Variants in BIVM observed in about 807,000 individuals in gnomAD.
BIVM encodes basic, immunoglobulin-like variable motif containing, also known as basic immunoglobulin-like variable motif-containing protein.
A neutral mutation model predicts 61.4 loss-of-function variants in BIVM; 31 were observed. The ratio of observed to expected loss-of-function variants is 0.51; its 90% CI spans 0.38 to 0.68. The LOEUF is 0.68. Among genes scored for constraint, BIVM ranks in the 30% least tolerant of loss-of-function variants. The probability of loss-of-function intolerance (pLI) is 0.00; values close to 1 mark genes in which losing one functional copy is unlikely to be tolerated. For synonymous variants in BIVM, 189 were observed against 210.7 expected, an observed-to-expected ratio of 0.90 and a Z score of 0.89; for missense variants, 526 against 596.0, an observed-to-expected ratio of 0.88 and a Z score of 1.22.
chr13:102,840,112 T>C lies in BIVM; in HGVS notation c.*247T>C, dbSNP rs1222214354. On this transcript the variant is annotated 3_prime_UTR_variant, in exon 11 of 11. Transcript: ENST00000257336. ...AGAGTATATAATCTGGACAGAAAATTTCACAAAATTCAATAAAATTACAAC... is the reference window on the plus strand; with the variant it reads ...AGAGTATATAATCTGGACAGAAAATCTCACAAAATTCAATAAAATTACAAC... The C allele has an allele frequency of 2.8e-6, 1 of 352,298 alleles. No homozygotes were observed. Among genetic ancestry groups the C allele is most frequent in the Non-Finnish European group, 5.1e-6 (1 of 197,660 alleles). 21.8% of individuals were successfully genotyped at this position (352,298 alleles called of 1,614,324 possible).
At chr13:102,799,671 G>A (rs888911947) in intron 1 of BIVM, 150 bp downstream of exon 1, 2 of 152,262 alleles carry the variant, frequency 1.3e-5, no homozygotes, top group East Asian at 1.9e-4. Flanking sequence ...TACTTAATTC[G>A]ATACCGGCCT....
At chr13:102,808,154 G>A (rs1349077195) in intron 3 of BIVM, among the ~76,000 whole-genome samples, 2 of 151,792 alleles carry the variant, frequency 1.3e-5, no homozygotes, top group Admixed American at 1.3e-4. Context: ...AGCTTTTTTT[G>A]TTGTTAAAAT....
chr13:102,823,654 C>T (rs762545350), intron 7 of BIVM, among the ~76,000 whole-genome samples: 12 of 152,216 alleles, frequency 7.9e-5, no homozygotes, highest in South Asian at 2.1e-4. Context: ...GATCAGGCAA[C>T]GAAAAACTAA....
intron 7 of BIVM, 112 bp downstream of exon 7, chr13:102,822,271 C>T (rs74540306): frequency 4.0e-6 from 4 of 1,002,522 alleles, no homozygotes; most frequent in Non-Finnish European, 5.9e-6. Flanking sequence ...CTTCCTGGGA[C>T]ATTATGTAAA....
rs1566458788 is a variant in BIVM, at chr13:102,839,610, A to G, written c.1257A>G (p.Arg419=). The change falls in exon 11 of 11, where the codon AGA becomes AGG. Residue 419 remains arginine, a synonymous_variant. Coordinates refer to ENST00000257336, the MANE Select transcript of BIVM (RefSeq NM_017693.4). ...TGCATTGCATCATAGCATTCCAGAG[A>G]CTTAACTGGCAAAGATTTGGCCTTT... ...GNLHCIIAFQ[R]LNWQRFGLWN... 3 of 1,614,026 alleles carry G rather than the reference A, an allele frequency of 1.9e-6. No individual in the cohort carries two copies. In the African/African-American group the frequency reaches 4.0e-5, roughly 22 times the overall value.
At chr13:102,811,191 C>A (rs1002750401) in intron 3 of BIVM, among the ~76,000 whole-genome samples, 4 of 152,156 alleles carry the variant, frequency 2.6e-5, no homozygotes, top group Admixed American at 2.0e-4. Flanking sequence ...CTTCCTATGG[C>A]TTTGAGGTAC....
chr13:102,802,995 GCAGTCATTTCCC>G (rs1878842572), intron 1 of BIVM, among the ~76,000 whole-genome samples: 1 of 151,806 alleles, frequency 6.6e-6, no homozygotes, highest in African/African-American at 2.4e-5. Context: ...GTGCTTAAAT[GCAGTCATTTCCC>G]TTTGCCTATG....
intron 10 of BIVM, among the ~76,000 whole-genome samples, chr13:102,838,945 T>A (rs1334574547): frequency 6.6e-6 from 1 of 152,206 alleles, no homozygotes; most frequent in African/African-American, 2.4e-5. Flanking sequence ...GTAGCAGGTA[T>A]TGGAATGACA....
chr13:102,822,919 A>G (rs1880395674), intron 7 of BIVM, among the ~76,000 whole-genome samples: 1 of 152,210 alleles, frequency 6.6e-6, no homozygotes, highest in Admixed American at 6.5e-5. Flanking sequence ...CAACAAAGAC[A>G]ACTGGGACTT....
chr13:102,816,423 T>C lies in BIVM; in HGVS notation c.479-5T>C. ...TTTTGCTTATTTTATACTCTTGTAT[T>C]CTAGGCAATGCAAAGAAACAAGTTT... On this transcript the variant is annotated splice_polypyrimidine_tract_variant and splice_region_variant and intron_variant, in intron 3 of 10. Coordinates refer to ENST00000257336, the MANE Select transcript of BIVM (RefSeq NM_017693.4). The C allele has an allele frequency of 1.3e-6, 2 of 1,573,544 alleles. No individual in the cohort carries two copies. The highest frequency in any genetic ancestry group is 2.4e-5 in the East Asian group (1 of 42,104).
At chr13:102,830,619 C>G (rs990764568) in intron 7 of BIVM, among the ~76,000 whole-genome samples, 15 of 152,166 alleles carry the variant, frequency 9.9e-5, no homozygotes, top group Admixed American at 1.3e-4. Flanking sequence ...TATCTTGTCA[C>G]TTGGCTTGTG....
intron 9 of BIVM, among the ~76,000 whole-genome samples, chr13:102,837,831 T>TAAGTGGGA (rs767933952): frequency 1.4e-3 from 216 of 152,352 alleles, no homozygotes; most frequent in Non-Finnish European, 1.3e-3. Context: ...GTTTTCACTT[T>TAAGTGGGA]AAGTGGGAGC....
intron 7 of BIVM, among the ~76,000 whole-genome samples, chr13:102,829,327 G>A (rs1432277487): frequency 6.6e-6 from 1 of 152,136 alleles, no homozygotes; most frequent in Non-Finnish European, 1.5e-5. Flanking sequence ...CATGCAGCAG[G>A]CCAGTGGATT....
chr13:102,821,558 C>T (rs528555903), intron 5 of BIVM, among the ~76,000 whole-genome samples, 185 bp from the exon 6 acceptor site: 5 of 152,102 alleles, frequency 3.3e-5, no homozygotes, highest in East Asian at 1.9e-4. Flanking sequence ...GCTATGATCA[C>T]GCCACTGCAC....
intron 9 of BIVM, among the ~76,000 whole-genome samples, chr13:102,837,967 T>C (rs189952522): frequency 6.6e-6 from 1 of 152,298 alleles, no homozygotes; most frequent in Non-Finnish European, 1.5e-5. Context: ...GCTTGGATGA[T>C]GGGTGCACTA....
At chr13:102,825,921 T>C (rs1354320561) in intron 7 of BIVM, among the ~76,000 whole-genome samples, 1 of 152,178 alleles carries the variant, frequency 6.6e-6, no homozygotes, top group African/African-American at 2.4e-5. Context: ...GAGGTAATTC[T>C]TGGTGCACCG....
intron 2 of BIVM, among the ~76,000 whole-genome samples, chr13:102,806,713 C>A (rs1456944905): frequency 6.6e-6 from 1 of 151,892 alleles, no homozygotes; most frequent in Non-Finnish European, 1.5e-5. Flanking sequence ...GATTTTGAGA[C>A]CAGCCTGACC....
intron 9 of BIVM, among the ~76,000 whole-genome samples, chr13:102,837,317 T>G (rs1015125889): frequency 6.6e-6 from 1 of 152,170 alleles, no homozygotes; most frequent in Non-Finnish European, 1.5e-5. Flanking sequence ...TTTGGAAGAA[T>G]TGACATCATA....
intron 1 of BIVM, chr13:102,801,479 C>G (rs1202154640): frequency 1.3e-5 from 2 of 152,034 alleles, no homozygotes; most frequent in Non-Finnish European, 2.9e-5. Flanking sequence ...CCTCAAACTC[C>G]TGACCTCAGA....
Sources: gnomAD v4.1 joint callset for allele counts (sites outside exome capture counted in the v4.1 genomes callset) on GRCh38, gnomAD v4.1.1 for gene constraint, MANE v1.5 for transcripts, NCBI Gene and HGNC (gene_info 2026-07-23, HGNC 2026-07-21) for gene names.